The following EGFR variants were observed in gnomAD, a reference collection of about 807,000 sequenced individuals.
EGFR encodes epidermal growth factor receptor.
EGFR carries 58 observed loss-of-function variants against 143.0 expected under a neutral mutation model. The observed-to-expected ratio is 0.41, with a 90% CI of 0.33 to 0.50. The LOEUF (loss-of-function observed/expected upper bound fraction) is 0.50, where lower values mean the gene tolerates loss of function less well. EGFR is among the 20% of genes least tolerant of loss of function. The probability of loss-of-function intolerance (pLI) is 0.39; values close to 1 mark genes in which losing one functional copy is unlikely to be tolerated. For synonymous variants in EGFR, 613 were observed against 594.4 expected (o/e 1.03, Z -0.45); for missense variants, 1,307 against 1,579.0 (o/e 0.83, Z 2.92).
chr7:55,047,290 T>C (rs1351391527), intron 1 of EGFR, among the ~76,000 whole-genome samples: 1 of 152,222 alleles, frequency 6.6e-6, no homozygotes, highest in Non-Finnish European at 1.5e-5. Flanking sequence ...GAACACCTAG[T>C]ACACGAATTT....
At chr7:55,167,973 A>G (rs1161338082) in intron 15 of EGFR, among the ~76,000 whole-genome samples, 3 of 152,216 alleles carry the variant, frequency 2.0e-5, no homozygotes, top group African/African-American at 7.2e-5. Flanking sequence ...AGTCTGAGAT[A>G]CTAATTATCT....
chr7:55,031,004 G>A (rs1787213285), intron 1 of EGFR, among the ~76,000 whole-genome samples: 1 of 152,206 alleles, frequency 6.6e-6, no homozygotes, highest in Non-Finnish European at 1.5e-5. Flanking sequence ...CCACAAGAAA[G>A]GAAGAAACTG....
At chr7:55,074,182 G>C (rs60403348) in intron 1 of EGFR, among the ~76,000 whole-genome samples, 2,091 of 152,280 alleles carry the variant, frequency 0.014, 43 homozygotes, top group African/African-American at 0.047. Context: ...AAACAAAGAG[G>C]CCAGCCCCAC....
intron 1 of EGFR, among the ~76,000 whole-genome samples, chr7:55,074,143 C>T (rs1190352915): frequency 6.6e-6 from 1 of 152,198 alleles, no homozygotes; most frequent in Non-Finnish European, 1.5e-5. Flanking sequence ...CTGGCTCATT[C>T]TAAGGTACAC....
At position 55,210,263 on chromosome 7, in the gene EGFR, A is replaced by C. The variant is rs1338750649; in HGVS notation, c.*4646A>C. 1 of 152,204 alleles carries C rather than the reference A, an allele frequency of 6.6e-6. No individual in the cohort carries two copies. The highest frequency in any genetic ancestry group is 1.5e-5 in the Non-Finnish European group (1 of 68,034). 9.4% of individuals were successfully genotyped at this position (152,204 alleles called of 1,614,324 possible). On this transcript the variant is annotated 3_prime_UTR_variant, in exon 28 of 28. Transcript: ENST00000275493. ...ATTTTTATATTTACAATTGATATGC[A>C]TTTACCAGTATAAACTAGACATGTC...
At chr7:55,042,773 C>CT (rs891055545) in intron 1 of EGFR, among the ~76,000 whole-genome samples, 3 of 152,074 alleles carry the variant, frequency 2.0e-5, no homozygotes, top group Non-Finnish European at 4.4e-5. Context: ...CCACGTGAGG[C>CT]TGGAGATGCG....
intron 10 of EGFR, chr7:55,157,070 GC>G: frequency 9.9e-7 from 1 of 1,010,176 alleles, no homozygotes; most frequent in Non-Finnish European, 1.4e-6. Flanking sequence ...CTCCCGCCCG[GC>G]CCCAGCCAGC....
intron 1 of EGFR, among the ~76,000 whole-genome samples, chr7:55,088,021 C>T (rs1468463056): frequency 1.3e-5 from 2 of 151,384 alleles, no homozygotes; most frequent in African/African-American, 4.9e-5. Flanking sequence ...CATACTATTT[C>T]CTTTCTTCCA....
intron 1 of EGFR, among the ~76,000 whole-genome samples, chr7:55,112,493 G>A (rs930153665): frequency 1.3e-5 from 2 of 152,236 alleles, no homozygotes; most frequent in Non-Finnish European, 2.9e-5. Flanking sequence ...GCCTAGACAT[G>A]GCCTCAGAAT....
At chr7:55,063,359 A>G (rs1283042511) in intron 1 of EGFR, among the ~76,000 whole-genome samples, 2 of 152,064 alleles carry the variant, frequency 1.3e-5, no homozygotes, top group African/African-American at 4.8e-5. Context: ...TTGGTCCATA[A>G]TTTAGATCGA....
chr7:55,055,711 C>T (rs1788767066), intron 1 of EGFR, among the ~76,000 whole-genome samples: 1 of 80,104 alleles, frequency 1.2e-5, no homozygotes, highest in South Asian at 5.1e-4. Flanking sequence ...CACGCACACA[C>T]ACACACACAC....
rs1794500852 is a variant in EGFR at position 55,142,273 on chromosome 7, CT to C, written c.89-8del. On this transcript the variant is annotated splice_polypyrimidine_tract_variant and intron_variant, in intron 1 of 27. Transcript: ENST00000275493. ...TCTCAGTATTTCATGTGATATCTGTCTTTTTCTTCCAGTTTGCCAAGGCACG... is the reference window on the plus strand; with the variant it reads ...TCTCAGTATTTCATGTGATATCTGTCTTTTCTTCCAGTTTGCCAAGGCACG... 1.2e-6 allele frequency: 2 copies of C among 1,614,110 alleles called. No homozygotes were observed. The highest frequency in any genetic ancestry group is 1.7e-6 in the Non-Finnish European group (2 of 1,179,994).
intron 1 of EGFR, among the ~76,000 whole-genome samples, chr7:55,047,988 AAATATAAAT>A (rs1013934315): frequency 6.6e-6 from 1 of 152,150 alleles, no homozygotes; most frequent in African/African-American, 2.4e-5. Flanking sequence ...AAAAATATAT[AAATATAAAT>A]AATATGAAAT....
chr7:55,195,546 G>T (rs1787579497), intron 22 of EGFR, among the ~76,000 whole-genome samples: 1 of 152,076 alleles, frequency 6.6e-6, no homozygotes, highest in South Asian at 2.1e-4. Context: ...AGGTTCAGGG[G>T]TACATGTGCA....
chr7:55,177,935 G>A (rs543209976), intron 19 of EGFR, among the ~76,000 whole-genome samples: 1 of 152,240 alleles, frequency 6.6e-6, no homozygotes, highest in East Asian at 1.9e-4. Context: ...CGGGACACAC[G>A]ACTGAACAGC....
intron 1 of EGFR, among the ~76,000 whole-genome samples, chr7:55,079,696 G>A (rs113489763): frequency 1.3e-5 from 2 of 152,158 alleles, no homozygotes; most frequent in African/African-American, 4.8e-5. Context: ...CCCACCCTAG[G>A]CCCGGGCCTG....
intron 25 of EGFR, 26 bp from the exon 26 acceptor site, chr7:55,201,709 G>A (rs370814862): frequency 6.2e-7 from 1 of 1,614,124 alleles, no homozygotes; most frequent in Non-Finnish European, 8.5e-7. Flanking sequence ...AGCATTCCAT[G>A]GGCAACTTCT....
At chr7:55,108,976 T>A (rs768427030) in intron 1 of EGFR, among the ~76,000 whole-genome samples, 2 of 152,136 alleles carry the variant, frequency 1.3e-5, no homozygotes, top group Non-Finnish European at 2.9e-5. Flanking sequence ...TGTAAACATA[T>A]AAATCAGCAG....
intron 1 of EGFR, among the ~76,000 whole-genome samples, chr7:55,084,580 A>G (rs1451042748): frequency 2.0e-5 from 3 of 152,210 alleles, no homozygotes; most frequent in African/African-American, 4.8e-5. Flanking sequence ...GCATTAAGAG[A>G]TATAATAAAG....
Sources: allele counts gnomAD v4.1 joint callset (sites outside exome capture counted in the v4.1 genomes callset), GRCh38; gene constraint gnomAD v4.1.1; transcripts MANE v1.5; gene names NCBI Gene and HGNC (gene_info 2026-07-23, HGNC 2026-07-21).